NXPH1: variants seen among roughly 807,000 people sequenced by gnomAD.
NXPH1 encodes the protein neurexophilin 1.
A neutral mutation model predicts 23.7 loss-of-function variants in NXPH1; 5 were observed. That is an observed-to-expected ratio of 0.21 (90% CI 0.11 to 0.44). NXPH1 has a LOEUF of 0.44. NXPH1 is among the 20% of genes least tolerant of loss of function. The pLI is 0.99. For missense variants in NXPH1, 324 were observed against 321.6 expected, an observed-to-expected ratio of 1.01 and a Z score of -0.06; for synonymous variants, 144 against 122.2, an observed-to-expected ratio of 1.18 and a Z score of -1.18.
chr7:8,662,269 G>C (rs1348929556), intron 2 of NXPH1, among the ~76,000 whole-genome samples: 2 of 151,708 alleles, frequency 1.3e-5, no homozygotes, highest in Non-Finnish European at 2.9e-5. Context: ...TTCTATGTTT[G>C]ATTTAACATT....
At chr7:8,647,708 T>C (rs1218594460) in intron 2 of NXPH1, among the ~76,000 whole-genome samples, 1 of 151,916 alleles carries the variant, frequency 6.6e-6, no homozygotes, top group African/African-American at 2.4e-5. Context: ...CTAGTAGAAA[T>C]TTTCTGTAGG....
chr7:8,711,158 C>T lies in NXPH1; in HGVS notation c.55-39850C>T, dbSNP rs182027719. ...ACCATTTCCAAGTAATGACTGCCTA[C>T]GAGTGGCCTAGATTCTCAATACACC... On this transcript the variant is annotated intron_variant, in intron 2 of 2. Transcript: ENST00000405863. 2.7e-4 allele frequency among the ~76,000 whole-genome samples: 41 copies of T among 152,198 alleles called. 1 individual carries two copies. The highest frequency in any genetic ancestry group is 8.9e-4 in the African/African-American group (37 of 41,546).
At chr7:8,744,750 G>A (rs1463282967) in intron 2 of NXPH1, among the ~76,000 whole-genome samples, 3 of 152,144 alleles carry the variant, frequency 2.0e-5, no homozygotes, top group Non-Finnish European at 1.5e-5. Flanking sequence ...TTTCCTTGCA[G>A]ATGCAAGCAA....
Position 8,434,457 on chromosome 7 carries a change from TTCCTCTCTTTCC to T in NXPH1, c.-402_-391del. The T allele has an allele frequency of 6.5e-6, 1 of 153,502 alleles. No individual in the cohort carries two copies. Among genetic ancestry groups the T allele is most frequent in the East Asian group, 1.9e-4 (1 of 5,172 alleles). 9.5% of individuals were successfully genotyped at this position (153,502 alleles called of 1,614,324 possible). A position where few individuals can be genotyped will look rare whatever the true frequency, so the allele number is the denominator to read the frequency against. ...CTCTTGCTCTCCCTCCCTTTCTGTC[TTCCTCTCTTTCC>T]TCCTCTACTGCTCCCTCCCTCTCTT... On this transcript the variant is annotated 5_prime_UTR_variant, in exon 1 of 3. Coordinates refer to ENST00000405863, the MANE Select transcript of NXPH1 (RefSeq NM_152745.3). This position sits in a 1 kb window ranked among gnomAD's most constrained non-coding sequence, Gnocchi z 7.6.
chr7:8,556,541 T>C (rs983226981), intron 2 of NXPH1, among the ~76,000 whole-genome samples: 14 of 151,692 alleles, frequency 9.2e-5, no homozygotes, highest in Non-Finnish European at 1.6e-4. Context: ...GTTCCGAGAA[T>C]GCTCCAGCAG....
intron 2 of NXPH1, among the ~76,000 whole-genome samples, chr7:8,505,565 A>G (rs1817508547): frequency 6.6e-6 from 1 of 152,108 alleles, no homozygotes; most frequent in Non-Finnish European, 1.5e-5. Flanking sequence ...CACATTTTTT[A>G]TATTAGCAAA....
chr7:8,588,169 C>T (rs1270421625), intron 2 of NXPH1, among the ~76,000 whole-genome samples: 1 of 152,086 alleles, frequency 6.6e-6, no homozygotes, highest in East Asian at 1.9e-4. Flanking sequence ...ATTAGTTCAA[C>T]CATTGTGGAA....
chr7:8,476,650 A>AT (rs1164075574), intron 2 of NXPH1, among the ~76,000 whole-genome samples: 1 of 151,906 alleles, frequency 6.6e-6, no homozygotes, highest in Non-Finnish European at 1.5e-5. Context: ...TACATTATTT[A>AT]TTTTTTCTAC....
intron 2 of NXPH1, among the ~76,000 whole-genome samples, chr7:8,602,224 T>A (rs756344472): frequency 3.9e-5 from 6 of 152,204 alleles, no homozygotes; most frequent in Non-Finnish European, 7.4e-5. Context: ...TTTCTCTTTA[T>A]ATTTAAAATA....
intron 2 of NXPH1, among the ~76,000 whole-genome samples, chr7:8,479,188 A>G (rs1481141934): frequency 2.6e-5 from 4 of 152,144 alleles, no homozygotes; most frequent in Non-Finnish European, 5.9e-5. Context: ...AGATTTAATA[A>G]AATGAATATA....
chr7:8,719,347 T>TA (rs1345845264), intron 2 of NXPH1, among the ~76,000 whole-genome samples: 1 of 152,150 alleles, frequency 6.6e-6, no homozygotes, highest in African/African-American at 2.4e-5. Context: ...AGCAAAGGTG[T>TA]CATTGACATA....
intron 2 of NXPH1, among the ~76,000 whole-genome samples, chr7:8,734,706 G>A (rs1310251957): frequency 6.6e-6 from 1 of 152,100 alleles, no homozygotes; most frequent in African/African-American, 2.4e-5. Context: ...TGCCTCTTAG[G>A]TCCTCTCGGT....
chr7:8,500,493 C>A (rs147953440), intron 2 of NXPH1, among the ~76,000 whole-genome samples: 1 of 151,992 alleles, frequency 6.6e-6, no homozygotes, highest in South Asian at 2.1e-4. Context: ...ATGGCATCTG[C>A]CTTATTTGGC....
In NXPH1 at chr7:8,659,005, A is replaced by ATTT. The variant is rs1205362505; in HGVS notation, c.55-91990_55-91988dup. ...TAAGAATATGTATATATATATATAT[A>ATTT]TTTTTTTTTTTTTTTGCTAAAACAG... is the stretch of plus-strand genomic sequence containing the variant. On this transcript the variant is annotated intron_variant, in intron 2 of 2. Coordinates refer to ENST00000405863, the MANE Select transcript of NXPH1 (RefSeq NM_152745.3). 4.1e-5 allele frequency among the ~76,000 whole-genome samples: 3 copies of ATTT among 73,262 alleles called. 1 individual carries two copies. Among genetic ancestry groups the ATTT allele is most frequent in the African/African-American group, 1.2e-4 (3 of 25,362 alleles). 48.1% of individuals were successfully genotyped at this position (73,262 alleles called of 152,430 possible).
chr7:8,566,429 A>G (rs530452757), intron 2 of NXPH1, among the ~76,000 whole-genome samples: 60 of 151,998 alleles, frequency 3.9e-4, no homozygotes, highest in African/African-American at 1.4e-3. Flanking sequence ...TCCTATGAGG[A>G]TGTTTCCAGA....
At chr7:8,516,373 G>A (rs183378891) in intron 2 of NXPH1, among the ~76,000 whole-genome samples, 1 of 152,240 alleles carries the variant, frequency 6.6e-6, no homozygotes, top group East Asian at 1.9e-4. Context: ...TAAGAAACCA[G>A]TTACTCAGAA....
At chr7:8,720,966 T>C (rs559370039) in intron 2 of NXPH1, among the ~76,000 whole-genome samples, 39 of 152,336 alleles carry the variant, frequency 2.6e-4, no homozygotes, top group African/African-American at 9.1e-4. Context: ...TGTAGAGTCA[T>C]GACAACTGAA....
chr7:8,498,271 A>G (rs1817372452), intron 2 of NXPH1, among the ~76,000 whole-genome samples: 1 of 152,036 alleles, frequency 6.6e-6, no homozygotes, highest in Non-Finnish European at 1.5e-5. Flanking sequence ...TTCCACCGCT[A>G]ACCAATTAAG....
intron 2 of NXPH1, among the ~76,000 whole-genome samples, chr7:8,657,513 T>C (rs148259539): frequency 1.3e-5 from 2 of 152,168 alleles, no homozygotes; most frequent in Non-Finnish European, 2.9e-5. Context: ...AGGCAGTCAC[T>C]GGAGGAAGGG....
Sources: gnomAD v4.1 joint callset for allele counts (sites outside exome capture counted in the v4.1 genomes callset) on GRCh38, gnomAD v4.1.1 for gene constraint, Gnocchi (gnomAD v3.1) non-coding constraint, MANE v1.5 for transcripts, NCBI Gene and HGNC (gene_info 2026-07-23, HGNC 2026-07-21) for gene names.